SEMA3E: variants seen among roughly 807,000 people sequenced by gnomAD.
SEMA3E encodes semaphorin 3E.
A neutral mutation model predicts 93.6 loss-of-function variants in SEMA3E; 49 were observed. That is an observed-to-expected ratio of 0.52 (90% CI 0.42 to 0.66). The LOEUF is 0.66. Ranked by LOEUF, SEMA3E falls within the 30% of genes least tolerant of loss-of-function variation. The pLI is 0.00. For missense variants in SEMA3E, 906 were observed against 964.8 expected, an observed-to-expected ratio of 0.94 and a Z score of 0.81; for synonymous variants, 363 against 330.7, an observed-to-expected ratio of 1.10 and a Z score of -1.06.
chr7:83,439,588 CAATT>C (rs1329744213), intron 4 of SEMA3E, among the ~76,000 whole-genome samples: 1 of 152,260 alleles, frequency 6.6e-6, no homozygotes, highest in Non-Finnish European at 1.5e-5. Context: ...AAGCTGATAA[CAATT>C]AAATAATTAT....
chr7:83,444,951 G>A (rs563702329), intron 4 of SEMA3E, among the ~76,000 whole-genome samples: 10 of 152,160 alleles, frequency 6.6e-5, no homozygotes, highest in East Asian at 1.9e-4. Flanking sequence ...GATTACAGGC[G>A]TGAGCCACCG....
rs150098196 is a variant in SEMA3E, at chr7:83,365,797, A to G, written c.*1789T>C. The G allele has an allele frequency of 6.6e-6, 1 of 152,174 alleles. No homozygotes were observed. Among genetic ancestry groups the G allele is most frequent in the Non-Finnish European group, 1.5e-5 (1 of 67,964 alleles). The allele number at this position is 152,174 out of a possible 1,614,324, so 9.4% of individuals were successfully genotyped here. On this transcript the variant is annotated 3_prime_UTR_variant, in exon 17 of 17. Transcript: ENST00000643230. ...TCAATAAAGTGTACTTAATTGACTT[A>G]TTTGTTCAGACATAAACTTTGTAAG...
intron 1 of SEMA3E, among the ~76,000 whole-genome samples, chr7:83,592,212 C>T (rs1217058716): frequency 1.3e-5 from 2 of 151,864 alleles, no homozygotes; most frequent in African/African-American, 4.8e-5. Context: ...GAAATTCGGA[C>T]ATCTTTTTTT....
chr7:83,400,101 A>C lies in SEMA3E; in HGVS notation c.1293T>G (p.Tyr431Ter). The change falls in exon 11 of 17, where the codon TAT becomes TAG. Residue 431 changes from tyrosine (Y) to a stop codon, truncating the protein, a stop_gained. Transcript: ENST00000643230. LOFTEE classifies it high-confidence loss of function. Reference protein sequence around the residue: ...KPILVKTDGKYNLKQIAVDRV... With the variant: ...KPILVKTDGK ...GATCTACTGCTATTTGTTTCAGGTTATATTTTCCATCTGTTTTTACCAATA... is the reference window on the plus strand; with the variant it reads ...GATCTACTGCTATTTGTTTCAGGTTCTATTTTCCATCTGTTTTTACCAATA... 1 of 1,614,034 alleles carries C rather than the reference A, an allele frequency of 6.2e-7. No individual in the cohort carries two copies. Among genetic ancestry groups the C allele is most frequent in the Non-Finnish European group, 8.5e-7 (1 of 1,179,962 alleles).
intron 1 of SEMA3E, among the ~76,000 whole-genome samples, chr7:83,546,718 G>C (rs1452585516): frequency 2.6e-5 from 4 of 151,908 alleles, no homozygotes; most frequent in Non-Finnish European, 4.4e-5. Context: ...CATGTTCATT[G>C]TATCACTATG....
intron 4 of SEMA3E, among the ~76,000 whole-genome samples, chr7:83,422,119 G>C (rs1044287324): frequency 6.6e-6 from 1 of 152,188 alleles, no homozygotes; most frequent in African/African-American, 2.4e-5. Context: ...GGAGGTTATG[G>C]TGAGCTGAGA....
At chr7:83,593,146 G>T (rs1234501353) in intron 1 of SEMA3E, among the ~76,000 whole-genome samples, 1 of 151,942 alleles carries the variant, frequency 6.6e-6, no homozygotes, top group East Asian at 1.9e-4. Context: ...GCTAGTAGTG[G>T]AGCATCAAAT....
chr7:83,492,355 T>C (rs948210700), intron 1 of SEMA3E, among the ~76,000 whole-genome samples: 3 of 152,032 alleles, frequency 2.0e-5, no homozygotes, highest in Non-Finnish European at 4.4e-5. Context: ...TAATACCTCA[T>C]TATCCCTGCA....
chr7:83,550,739 A>C, intron 1 of SEMA3E, among the ~76,000 whole-genome samples: 1 of 152,266 alleles, frequency 6.6e-6, no homozygotes, highest in South Asian at 2.1e-4. Flanking sequence ...AGTTCTGATA[A>C]GATGACCAAG....
At chr7:83,645,944 A>G (rs1171201282) in intron 1 of SEMA3E, among the ~76,000 whole-genome samples, 1 of 151,992 alleles carries the variant, frequency 6.6e-6, no homozygotes, top group Non-Finnish European at 1.5e-5. Context: ...CCTCCTTGGG[A>G]AGAAACAATA....
intron 4 of SEMA3E, among the ~76,000 whole-genome samples, chr7:83,435,679 T>A (rs1420812683): frequency 6.6e-6 from 1 of 152,144 alleles, no homozygotes; most frequent in African/African-American, 2.4e-5. Flanking sequence ...CTTCAATATT[T>A]ATACACCAAA....
chr7:83,607,302 C>T (rs1309510327), intron 1 of SEMA3E, among the ~76,000 whole-genome samples: 1 of 152,174 alleles, frequency 6.6e-6, no homozygotes, highest in African/African-American at 2.4e-5. Context: ...ATGAAAATCA[C>T]TGGAGGTTTA....
At chr7:83,502,569 G>A (rs1385904871) in intron 1 of SEMA3E, among the ~76,000 whole-genome samples, 2 of 151,240 alleles carry the variant, frequency 1.3e-5, no homozygotes, top group African/African-American at 4.9e-5. Flanking sequence ...CCAGTCTTAA[G>A]AAATAAGCCC....
Position 83,392,552 on chromosome 7 carries a change from C to T in SEMA3E, c.1667+3G>A, listed in dbSNP as rs778403800. 3 of 1,613,070 alleles carry T rather than the reference C, an allele frequency of 1.9e-6. No homozygotes were observed. The African/African-American group carries it at 4.0e-5, about 22-fold the overall frequency. On this transcript the variant is annotated splice_donor_region_variant and intron_variant, in intron 14 of 16. Transcript: ENST00000643230. ...AAATAGTTAATCAGGTAGCACGTCT[C>T]ACCTTTTTGCATGTGTGCCTGTTGG... is the stretch of plus-strand genomic sequence containing the variant.
chr7:83,502,070 CT>C (rs1388101758), intron 1 of SEMA3E, among the ~76,000 whole-genome samples: 4 of 152,120 alleles, frequency 2.6e-5, no homozygotes, highest in Non-Finnish European at 4.4e-5. Context: ...AAACCAACTC[CT>C]TTCCCAGGCT....
At chr7:83,534,220 T>C (rs945555732) in intron 1 of SEMA3E, among the ~76,000 whole-genome samples, 10 of 152,190 alleles carry the variant, frequency 6.6e-5, no homozygotes, top group African/African-American at 1.9e-4. Flanking sequence ...TTTTCTGATT[T>C]ATTCTATCTC....
At chr7:83,395,806 G>A (rs1403379838) in intron 12 of SEMA3E, among the ~76,000 whole-genome samples, 5 of 152,124 alleles carry the variant, frequency 3.3e-5, no homozygotes, top group East Asian at 1.9e-4. Context: ...ATGGATTATC[G>A]TGCTGTCAGC....
rs1287776059 is a variant in SEMA3E, at chr7:83,365,766, C to T, written c.*1820G>A. ...TTCTTTCTTGTGTGTTAATGGAAGG[C>T]AATTTTCAATAAAGTGTACTTAATT... On this transcript the variant is annotated 3_prime_UTR_variant, in exon 17 of 17. Transcript: ENST00000643230. 1 of 152,160 alleles carries T rather than the reference C, an allele frequency of 6.6e-6. No individual in the cohort carries two copies. The highest frequency in any genetic ancestry group is 1.5e-5 in the Non-Finnish European group (1 of 68,008). The allele number at this position is 152,160 out of a possible 1,614,324, so 9.4% of individuals were successfully genotyped here.
intron 2 of SEMA3E, among the ~76,000 whole-genome samples, chr7:83,484,462 C>T (rs1167127430): frequency 6.6e-6 from 1 of 152,146 alleles, no homozygotes; most frequent in African/African-American, 2.4e-5. Flanking sequence ...AAGTCAATGC[C>T]TGTCCATCTG....
Sources: allele counts gnomAD v4.1 joint callset (sites outside exome capture counted in the v4.1 genomes callset), GRCh38; gene constraint gnomAD v4.1.1; transcripts MANE v1.5; gene names NCBI Gene and HGNC (gene_info 2026-07-23, HGNC 2026-07-21).